RFX4: variants seen among roughly 807,000 people sequenced by gnomAD.
The protein encoded by RFX4 is regulatory factor X4.
A neutral mutation model predicts 95.0 loss-of-function variants in RFX4; 10 were observed. The observed-to-expected ratio is 0.11, with a 90% CI of 0.06 to 0.18. The LOEUF (loss-of-function observed/expected upper bound fraction) is 0.18. RFX4 is among the 10% of genes least tolerant of loss of function. The pLI is 1.00. For synonymous variants in RFX4, 321 were observed against 340.7 expected (o/e 0.94, Z 0.64); for missense variants, 640 against 922.0 (o/e 0.69, Z 3.96).
rs1294039214 is a variant in RFX4, at chr12:106,583,207, T to A, written c.-114T>A. 1 of 958,058 alleles carries A rather than the reference T, an allele frequency of 1.0e-6. No homozygotes were observed. Among genetic ancestry groups the A allele is most frequent in the East Asian group, 3.0e-5 (1 of 33,894 alleles). The allele number at this position is 958,058 out of a possible 1,614,324, so 59.3% of individuals were successfully genotyped here. On this transcript the variant is annotated 5_prime_UTR_variant, in exon 1 of 18. Coordinates refer to ENST00000392842, the MANE Select transcript of RFX4 (RefSeq NM_213594.3). ...CTTGTGCCCCCTCACTTTCTGCGTC[T>A]CTCTCTCTCCCCTTCTCCCTCCCTC... is the stretch of plus-strand genomic sequence containing the variant.
rs1342193086 is a variant in RFX4 at position 106,654,784 on chromosome 12, A to G, written c.315+433A>G. Among the ~76,000 whole-genome samples, 5 of 152,212 alleles carry G rather than the reference A, an allele frequency of 3.3e-5. No homozygotes were observed. In the East Asian group the frequency reaches 9.6e-4, roughly 29 times the overall value. On this transcript the variant is annotated intron_variant, in intron 4 of 17. Coordinates refer to ENST00000392842, the MANE Select transcript of RFX4 (RefSeq NM_213594.3). ...GTGGTACTATTTGCATTATCACTACAGTCCAGACTGTTCTCTTTCCACCTT... is the reference window on the plus strand; with the variant it reads ...GTGGTACTATTTGCATTATCACTACGGTCCAGACTGTTCTCTTTCCACCTT...
At chr12:106,722,684 C>T (rs1426536726) in intron 13 of RFX4, among the ~76,000 whole-genome samples, 1 of 152,104 alleles carries the variant, frequency 6.6e-6, no homozygotes, top group African/African-American at 2.4e-5. Context: ...ATTTCTCAAC[C>T]CTGAGTGGGT....
chr12:106,658,995 G>C (rs1009739617), intron 4 of RFX4, among the ~76,000 whole-genome samples: 1 of 152,130 alleles, frequency 6.6e-6, no homozygotes, highest in Admixed American at 6.5e-5. Flanking sequence ...ACTCAATGAA[G>C]CATAAACAAA....
intron 2 of RFX4, among the ~76,000 whole-genome samples, chr12:106,625,605 C>T (rs983919991): frequency 1.3e-5 from 2 of 152,138 alleles, no homozygotes; most frequent in African/African-American, 4.8e-5. Context: ...GAGAGGAAAG[C>T]TCAGCAGTGT....
At chr12:106,731,369 ACCCACCTT>A (rs1439941280) in intron 13 of RFX4, among the ~76,000 whole-genome samples, 1 of 152,234 alleles carries the variant, frequency 6.6e-6, no homozygotes. Flanking sequence ...GAATAAAAAT[ACCCACCTT>A]GCCACATGGT....
At chr12:106,756,221 A>G (rs2136103063) in intron 17 of RFX4, among the ~76,000 whole-genome samples, 1 of 152,304 alleles carries the variant, frequency 6.6e-6, no homozygotes, top group Non-Finnish European at 1.5e-5. Context: ...GCCTCTTTCC[A>G]GGTTCCCCAT....
intron 5 of RFX4, among the ~76,000 whole-genome samples, chr12:106,685,614 C>T (rs2041629427): frequency 6.6e-6 from 1 of 152,046 alleles, no homozygotes; most frequent in East Asian, 1.9e-4. Context: ...GAGAGAGGGC[C>T]CAGGAGTCTG....
At chr12:106,615,157 T>G (rs753221499) in intron 2 of RFX4, among the ~76,000 whole-genome samples, 4 of 152,188 alleles carry the variant, frequency 2.6e-5, no homozygotes, top group Non-Finnish European at 4.4e-5. Context: ...AACTTTTGTG[T>G]ATGGTGTGAA....
chr12:106,701,851 G>T (rs192585956), intron 8 of RFX4, among the ~76,000 whole-genome samples: 2 of 152,020 alleles, frequency 1.3e-5, no homozygotes, highest in East Asian at 3.9e-4. Flanking sequence ...GCAAGATCCT[G>T]TCTCTACAAA....
intron 2 of RFX4, among the ~76,000 whole-genome samples, chr12:106,620,868 A>G (rs762422096): frequency 2.6e-5 from 4 of 152,066 alleles, no homozygotes; most frequent in Non-Finnish European, 5.9e-5. Flanking sequence ...CCCAAGGAAT[A>G]TTAATATTAA....
At chr12:106,631,440 C>G (rs942223984) in intron 2 of RFX4, among the ~76,000 whole-genome samples, 2 of 152,160 alleles carry the variant, frequency 1.3e-5, no homozygotes, top group Non-Finnish European at 2.9e-5. Flanking sequence ...GTCTGTATCC[C>G]CCCAAATTCA....
chr12:106,608,811 A>T lies in RFX4; in HGVS notation c.58A>T (p.Arg20Ter). ...TTTTTTTTTAGAGAGCTGGATTGAA[A>T]GATGTCTCAACGAAAGTGAAAACAA... ...DMDSTESWIE[R>*]CLNESENKRY... The change falls in exon 2 of 18, where the codon AGA (arginine) becomes TGA (stop). Residue 20 changes from arginine (R) to a stop codon, truncating the protein, a stop_gained. Transcript: ENST00000392842. LOFTEE classifies it high-confidence loss of function. 1 of 1,605,952 alleles carries T rather than the reference A, an allele frequency of 6.2e-7. No individual in the cohort carries two copies. Among genetic ancestry groups the T allele is most frequent in the Non-Finnish European group, 8.5e-7 (1 of 1,178,100 alleles).
rs143349595 is a variant in RFX4 at position 106,730,926 on chromosome 12, G to A, written c.1352-1204G>A. Reference sequence around the variant, plus strand: ...GAGGCAGGAAAATTGCTTGAACTCGGGAGGCAGAGGCTGCAGTGAGTCAAG... The same window carrying A: ...GAGGCAGGAAAATTGCTTGAACTCGAGAGGCAGAGGCTGCAGTGAGTCAAG... On this transcript the variant is annotated intron_variant, in intron 13 of 17. Coordinates refer to ENST00000392842, the MANE Select transcript of RFX4 (RefSeq NM_213594.3). Among the ~76,000 whole-genome samples, 880 of 152,276 alleles carry A rather than the reference G, an allele frequency of 5.8e-3. 9 individuals are homozygous for A. Among genetic ancestry groups the A allele is most frequent in the African/African-American group, 0.02 (827 of 41,542 alleles).
intron 4 of RFX4, among the ~76,000 whole-genome samples, chr12:106,659,765 C>T (rs2041035611): frequency 6.6e-6 from 1 of 152,202 alleles, no homozygotes; most frequent in Non-Finnish European, 1.5e-5. Flanking sequence ...AAGTGGTGGA[C>T]TCAGGATGTG....
intron 10 of RFX4, among the ~76,000 whole-genome samples, chr12:106,713,263 C>A (rs1333696014): frequency 6.6e-6 from 1 of 152,220 alleles, no homozygotes; most frequent in Non-Finnish European, 1.5e-5. Context: ...CACGTCCAGG[C>A]TCTTTCAGAT....
chr12:106,758,164 G>A (rs1348951692), intron 17 of RFX4, among the ~76,000 whole-genome samples: 1 of 152,210 alleles, frequency 6.6e-6, no homozygotes, highest in East Asian at 1.9e-4. Flanking sequence ...GAAACCGGAT[G>A]TAAAGTGTGA....
At chr12:106,639,049 T>G (rs2040567228) in intron 2 of RFX4, among the ~76,000 whole-genome samples, 1 of 152,158 alleles carries the variant, frequency 6.6e-6, no homozygotes, top group South Asian at 2.1e-4. Flanking sequence ...AGTGGATGAG[T>G]GTGATCACAT....
intron 11 of RFX4, 91 bp downstream of exon 11, chr12:106,715,635 C>T: frequency 7.1e-7 from 1 of 1,411,026 alleles, no homozygotes; most frequent in Admixed American, 1.9e-5. Context: ...CATCCCCACC[C>T]TGTTCTTCCC....
In RFX4 at chr12:106,654,325, C is replaced by A. The variant is rs375950761; in HGVS notation, c.289C>A (p.Pro97Thr). ...LDFCEKNDTQ[P>T]VNAASFGKII... The stretch of plus-strand genomic sequence containing the variant: ...TTTCTGCGAGAAGAATGATACCCAA[C>A]CTGTCAATGCTGCCAGCTTTGGAAA... Residue 97 changes from proline to threonine, a missense_variant, in exon 4 of 18, where the codon CCT (proline) becomes ACT (threonine). Coordinates refer to ENST00000392842, the MANE Select transcript of RFX4 (RefSeq NM_213594.3). 1.5e-5 allele frequency: 25 copies of A among 1,613,902 alleles called. No homozygotes were observed. Among genetic ancestry groups the A allele is most frequent in the Non-Finnish European group, 1.9e-5 (23 of 1,179,956 alleles).
Sources: gnomAD v4.1 joint callset for allele counts (sites outside exome capture counted in the v4.1 genomes callset) on GRCh38, gnomAD v4.1.1 for gene constraint, MANE v1.5 for transcripts, NCBI Gene and HGNC (gene_info 2026-07-23, HGNC 2026-07-21) for gene names.